TASP1: variants seen among roughly 807,000 people sequenced by gnomAD.
TASP1 encodes the protein threonine aspartase 1.
A neutral mutation model predicts 56.6 loss-of-function variants in TASP1; 16 were observed. The ratio of observed to expected loss-of-function variants is 0.28; its 90% CI spans 0.19 to 0.43. The LOEUF is 0.43. Ranked by LOEUF, TASP1 falls within the 20% of genes least tolerant of loss-of-function variation. TASP1 has a pLI of 1.00. For missense variants in TASP1, 393 were observed against 511.6 expected (o/e 0.77, Z 2.24); for synonymous variants, 179 against 184.2 (o/e 0.97, Z 0.23).
At chr20:13,348,236 A>G in the TASP1 span, among the ~76,000 whole-genome samples, 3 of 152,230 alleles carry the variant, frequency 2.0e-5, no homozygotes, top group East Asian at 1.9e-4. Context: ...TCTATTTTCT[A>G]TATTTGTAAT....
chr20:13,577,067 C>T (rs564296332), intron 6 of TASP1, among the ~76,000 whole-genome samples: 3 of 151,804 alleles, frequency 2.0e-5, no homozygotes, highest in South Asian at 2.1e-4. Flanking sequence ...TGAAAGAATA[C>T]GTGGCAATGA....
intron 11 of TASP1, among the ~76,000 whole-genome samples, chr20:13,478,910 T>A (rs1261959607): frequency 6.6e-6 from 1 of 152,148 alleles, no homozygotes; most frequent in Non-Finnish European, 1.5e-5. Context: ...GACAAATCTC[T>A]TTCAGTAGAG....
chr20:13,470,788 A>G (rs1344042646), intron 11 of TASP1, among the ~76,000 whole-genome samples: 2 of 152,170 alleles, frequency 1.3e-5, no homozygotes, highest in African/African-American at 4.8e-5. Flanking sequence ...CAGCCGCTCA[A>G]CAGAGTTCTT....
the TASP1 span, among the ~76,000 whole-genome samples, chr20:13,378,043 T>A: frequency 6.6e-6 from 1 of 152,218 alleles, no homozygotes; most frequent in Admixed American, 6.5e-5. Flanking sequence ...TTCATTGATT[T>A]TTTTGAAGGA....
At chr20:13,493,379 C>T (rs1218355312) in intron 10 of TASP1, among the ~76,000 whole-genome samples, 2 of 152,146 alleles carry the variant, frequency 1.3e-5, no homozygotes, top group African/African-American at 4.8e-5. Flanking sequence ...TGCTATCCAA[C>T]TGGCTGCCAG....
intron 11 of TASP1, among the ~76,000 whole-genome samples, chr20:13,435,859 A>G (rs1382577416): frequency 6.6e-6 from 1 of 152,218 alleles, no homozygotes; most frequent in Non-Finnish European, 1.5e-5. Flanking sequence ...CAAAGAGAGT[A>G]GTAAAAAATC....
chr20:13,434,658 C>A (rs1410365642), intron 12 of TASP1, among the ~76,000 whole-genome samples: 1 of 152,112 alleles, frequency 6.6e-6, no homozygotes, highest in Non-Finnish European at 1.5e-5. Context: ...AGTAGCTCTT[C>A]ACATGCTTCT....
chr20:13,342,605 G>A, the TASP1 span, among the ~76,000 whole-genome samples: 9 of 152,152 alleles, frequency 5.9e-5, no homozygotes, highest in East Asian at 1.9e-4. Context: ...GACAGGGCAC[G>A]TTCACCTCAC....
the TASP1 span, among the ~76,000 whole-genome samples, chr20:13,227,418 T>C: frequency 3.3e-5 from 5 of 151,898 alleles, no homozygotes; most frequent in African/African-American, 1.2e-4. Flanking sequence ...TTAGCTAGGA[T>C]GGTCTCAATC....
chr20:13,342,458 G>T, the TASP1 span, among the ~76,000 whole-genome samples: 19 of 152,170 alleles, frequency 1.2e-4, no homozygotes, highest in Admixed American at 6.5e-4. Context: ...TGGGGACAGC[G>T]GCAGCAGAGA....
intron 8 of TASP1, among the ~76,000 whole-genome samples, chr20:13,547,241 C>T (rs2045841999): frequency 6.6e-6 from 1 of 152,172 alleles, no homozygotes; most frequent in Non-Finnish European, 1.5e-5. Flanking sequence ...TAATTCAATT[C>T]AATTAACACT....
the TASP1 span, among the ~76,000 whole-genome samples, chr20:13,309,664 T>G: frequency 6.6e-6 from 1 of 152,180 alleles, no homozygotes; most frequent in South Asian, 2.1e-4. Flanking sequence ...TTTATCTCTG[T>G]TTGCAGATGG....
At chr20:13,584,373 A>G (rs537500369) in intron 5 of TASP1, among the ~76,000 whole-genome samples, 3 of 152,238 alleles carry the variant, frequency 2.0e-5, no homozygotes. Flanking sequence ...GTTTAATTCC[A>G]ATATGATTAA....
At chr20:13,351,051 A>G in the TASP1 span, among the ~76,000 whole-genome samples, 1 of 152,184 alleles carries the variant, frequency 6.6e-6, no homozygotes, top group Admixed American at 6.5e-5. Context: ...CAAAGAAGAT[A>G]TAAGGATGGC....
the TASP1 span, among the ~76,000 whole-genome samples, chr20:13,307,793 A>G: frequency 6.6e-6 from 1 of 152,194 alleles, no homozygotes; most frequent in Admixed American, 6.5e-5. Flanking sequence ...CACATTTCCA[A>G]TGTGTGAATA....
At chr20:13,391,802 C>T (rs190457095) in intron 13 of TASP1, among the ~76,000 whole-genome samples, 1,648 of 151,234 alleles carry the variant, frequency 0.011, 34 homozygotes, top group African/African-American at 0.037. Context: ...CCTGTCTCTA[C>T]TAAAAATGCA....
chr20:13,277,157 T>C, the TASP1 span, among the ~76,000 whole-genome samples: 2 of 152,190 alleles, frequency 1.3e-5, no homozygotes, highest in African/African-American at 4.8e-5. Context: ...AAAAAAATCA[T>C]ATTGACGGTA....
At chr20:13,632,390 A>AAAAAG (rs959897895) in intron 1 of TASP1, among the ~76,000 whole-genome samples, 2 of 151,880 alleles carry the variant, frequency 1.3e-5, no homozygotes, top group Non-Finnish European at 2.9e-5. Flanking sequence ...GAAAAAAGAA[A>AAAAAG]AAAAGAAAAG....
chr20:13,159,316 C>G, the TASP1 span, among the ~76,000 whole-genome samples: 2 of 152,180 alleles, frequency 1.3e-5, no homozygotes, highest in African/African-American at 2.4e-5. Flanking sequence ...CCTTTCTGCC[C>G]CATTCCTCTT....
Sources: gnomAD v4.1 joint callset for allele counts (sites outside exome capture counted in the v4.1 genomes callset) on GRCh38, gnomAD v4.1.1 for gene constraint, MANE v1.5 for transcripts, NCBI Gene and HGNC (gene_info 2026-07-23, HGNC 2026-07-21) for gene names.